DNAH11: variants seen among roughly 807,000 people sequenced by gnomAD.
The protein encoded by DNAH11 is axonemal beta dynein heavy chain 11.
Under a neutral mutation model 526.0 loss-of-function variants are expected in DNAH11, and 442 were observed. The ratio of observed to expected loss-of-function variants is 0.84; its 90% CI spans 0.78 to 0.91. DNAH11 has a LOEUF of 0.91. Ranked by LOEUF, DNAH11 falls within the 40% of genes least tolerant of loss-of-function variation. The pLI is 0.00. For missense variants in DNAH11, 6,989 were observed against 5,448.7 expected, an observed-to-expected ratio of 1.28 and a Z score of -8.90; for synonymous variants, 2,461 against 1,935.9, an observed-to-expected ratio of 1.27 and a Z score of -7.12.
chr7:21,714,093 T>C (rs1393564644), intron 42 of DNAH11, among the ~76,000 whole-genome samples: 1 of 152,182 alleles, frequency 6.6e-6, no homozygotes, highest in Non-Finnish European at 1.5e-5. Flanking sequence ...AAGGCATATG[T>C]AATTCAGTCT....
At chr7:21,685,430 G>T (rs1783331741) in intron 32 of DNAH11, among the ~76,000 whole-genome samples, 1 of 152,174 alleles carries the variant, frequency 6.6e-6, no homozygotes, top group Non-Finnish European at 1.5e-5. Context: ...CTGAAAGGAA[G>T]ATGAAAGTTC....
rs369549112 is a variant in DNAH11, at chr7:21,899,356, G to A, written c.13070G>A (p.Arg4357Gln). ...ACCAGGTTCAATGACCTCCTCCTGC[G>A]ATGCCGAGAACTCGATACTTGGACA... ...LAQWFNDLLL[R>Q]CRELDTWTQD... The change falls in exon 80 of 82, where the codon CGA (arginine) becomes CAA (glutamine). Residue 4357 changes from arginine to glutamine, a missense_variant. Coordinates refer to ENST00000409508, the MANE Select transcript of DNAH11 (RefSeq NM_001277115.2). 1.6e-5 allele frequency: 26 copies of A among 1,613,766 alleles called. No individual in the cohort carries two copies. Among genetic ancestry groups the A allele is most frequent in the Non-Finnish European group, 1.9e-5 (22 of 1,179,880 alleles).
chr7:21,724,400 T>C (rs1254226960), intron 44 of DNAH11, among the ~76,000 whole-genome samples: 2 of 152,354 alleles, frequency 1.3e-5, no homozygotes, highest in East Asian at 3.9e-4. Context: ...CTGCCCAGTT[T>C]ATAGGCCATA....
intron 58 of DNAH11, among the ~76,000 whole-genome samples, chr7:21,784,905 C>T (rs892732948): frequency 1.3e-5 from 2 of 152,070 alleles, no homozygotes; most frequent in African/African-American, 4.8e-5. Flanking sequence ...TTCTTTATTT[C>T]CTCTGGAATA....
chr7:21,684,830 T>C (rs1360950474), intron 32 of DNAH11, among the ~76,000 whole-genome samples: 1 of 152,238 alleles, frequency 6.6e-6, no homozygotes, highest in Non-Finnish European at 1.5e-5. Context: ...CGGGAATTTC[T>C]TTGTTAGTAT....
At chr7:21,676,001 C>T (rs527833007) in intron 30 of DNAH11, among the ~76,000 whole-genome samples, 4 of 152,026 alleles carry the variant, frequency 2.6e-5, no homozygotes, top group South Asian at 2.1e-4. Flanking sequence ...AGATGACTCC[C>T]GGAACATGAA....
chr7:21,870,840 A>G (rs981089572), intron 73 of DNAH11, among the ~76,000 whole-genome samples: 1 of 152,094 alleles, frequency 6.6e-6, no homozygotes, highest in East Asian at 1.9e-4. Context: ...AACTGTTTAA[A>G]CCTCTTCACT....
intron 14 of DNAH11, among the ~76,000 whole-genome samples, chr7:21,593,353 G>A (rs1482127399): frequency 6.6e-6 from 1 of 152,156 alleles, no homozygotes; most frequent in Non-Finnish European, 1.5e-5. Context: ...TGGTGGGAGT[G>A]GGCTGATGAG....
intron 54 of DNAH11, among the ~76,000 whole-genome samples, chr7:21,755,140 A>T (rs562919149): frequency 1.3e-5 from 2 of 152,310 alleles, no homozygotes; most frequent in South Asian, 4.1e-4. Flanking sequence ...TCCCACTTGG[A>T]ATGCAGAGAC....
rs368307576 is a variant in DNAH11 at position 21,814,612 on chromosome 7, G to A, written c.10333-1855G>A. Among the ~76,000 whole-genome samples, 51 of 147,250 alleles carry A rather than the reference G, an allele frequency of 3.5e-4. 1 individual carries two copies. The highest frequency in any genetic ancestry group is 9.8e-4 in the African/African-American group (39 of 39,846). On this transcript the variant is annotated intron_variant, in intron 63 of 81. Transcript: ENST00000409508. ...TTCCCACCTATGAGTGAGAATATGC[G>A]GTGTTTGGTTTTTTCACAAAATTTA...
chr7:21,872,410 C>T (rs1038120462), intron 73 of DNAH11, among the ~76,000 whole-genome samples: 4 of 151,984 alleles, frequency 2.6e-5, no homozygotes, highest in African/African-American at 9.7e-5. Context: ...CCATGTTTGC[C>T]CTCATTCTCT....
chr7:21,611,266 A>C (rs1785512432), intron 20 of DNAH11, among the ~76,000 whole-genome samples: 1 of 152,086 alleles, frequency 6.6e-6, no homozygotes. Flanking sequence ...CAGGACTTGA[A>C]CCTGCAGCCT....
chr7:21,790,464 A>C (rs1788433597), intron 61 of DNAH11, among the ~76,000 whole-genome samples: 1 of 152,190 alleles, frequency 6.6e-6, no homozygotes. Context: ...AACAAAAAGA[A>C]AAGAAAATAT....
intron 30 of DNAH11, 28 bp downstream of exon 30, chr7:21,659,059 C>G (rs1782137883): frequency 4.7e-6 from 7 of 1,498,138 alleles, no homozygotes; most frequent in Non-Finnish European, 6.3e-6. Flanking sequence ...GATTTTGAGA[C>G]ATAAAGGAAC....
At position 21,604,088 on chromosome 7, in the gene DNAH11, TCA is replaced by T. The variant is rs550234407; in HGVS notation, c.3649-2337_3649-2336del. Among the ~76,000 whole-genome samples, 567 of 152,334 alleles carry T rather than the reference TCA, an allele frequency of 3.7e-3. 1 individual carries two copies. The highest frequency in any genetic ancestry group is 6.0e-3 in the Non-Finnish European group (408 of 68,018). On this transcript the variant is annotated intron_variant, in intron 18 of 81. Transcript: ENST00000409508. Reference sequence around the variant, plus strand: ...AAGCAACTTCAAGTGATAGTTACTTTCAGTTTCTCCTTTGTTATTATGAGAAG... The same window carrying T: ...AAGCAACTTCAAGTGATAGTTACTTTGTTTCTCCTTTGTTATTATGAGAAG...
At position 21,705,466 on chromosome 7, in the gene DNAH11, C is replaced by T; in HGVS notation, c.6475C>T (p.Gln2159Ter). Residue 2159 changes from glutamine to a stop codon, truncating the protein, a stop_gained, in exon 39 of 82, where the codon CAG becomes TAG. Coordinates refer to ENST00000409508, the MANE Select transcript of DNAH11 (RefSeq NM_001277115.2). LOFTEE classifies it high-confidence loss of function. Reference protein sequence around the residue: ...PEESFILKVVQLEELLAVRHS... With the variant: ...PEESFILKVV The stretch of plus-strand genomic sequence containing the variant: ...CCAGCTGTTTGCTCTGCAGGTTGTC[C>T]AGCTTGAGGAACTGTTGGCTGTGCG... 1.2e-6 allele frequency: 2 copies of T among 1,613,586 alleles called. No individual in the cohort carries two copies. The highest frequency in any genetic ancestry group is 1.7e-6 in the Non-Finnish European group (2 of 1,179,646).
intron 2 of DNAH11, among the ~76,000 whole-genome samples, chr7:21,552,434 C>T (rs569582319): frequency 7.7e-4 from 117 of 152,266 alleles, no homozygotes; most frequent in Non-Finnish European, 1.2e-3. Context: ...GTTTATTCTT[C>T]GCTTCCCTTT....
At position 21,570,057 on chromosome 7, in the gene DNAH11, A is replaced by G. The variant is rs752546389; in HGVS notation, c.1195-12A>G. The stretch of plus-strand genomic sequence containing the variant: ...ATAGTTTTGATCATTGTTCCCTTTC[A>G]TTAAATCCTAGGCAACAGCTTACCT... On this transcript the variant is annotated splice_polypyrimidine_tract_variant and intron_variant, in intron 6 of 81. Coordinates refer to ENST00000409508, the MANE Select transcript of DNAH11 (RefSeq NM_001277115.2). The G allele has an allele frequency of 7.0e-6, 11 of 1,569,534 alleles. No homozygotes were observed. Among genetic ancestry groups the G allele is most frequent in the East Asian group, 6.8e-5 (3 of 43,906 alleles).
Position 21,842,767 on chromosome 7 carries a change from C to T in DNAH11, c.10896+19C>T. 1 of 1,578,938 alleles carries T rather than the reference C, an allele frequency of 6.3e-7. No individual in the cohort carries two copies. Among genetic ancestry groups the T allele is most frequent in the Non-Finnish European group, 8.6e-7 (1 of 1,160,260 alleles). On this transcript the variant is annotated intron_variant, in intron 66 of 81. Coordinates refer to ENST00000409508, the MANE Select transcript of DNAH11 (RefSeq NM_001277115.2). ...ACTTAAGGTAAAAATGTTTACGTCA[C>T]CACCAACACTTAGTCGGCATTTGCT...
Sources: gnomAD v4.1 joint callset for allele counts (sites outside exome capture counted in the v4.1 genomes callset) on GRCh38, gnomAD v4.1.1 for gene constraint, MANE v1.5 for transcripts, NCBI Gene and HGNC (gene_info 2026-07-23, HGNC 2026-07-21) for gene names.